WWC1: variants seen among roughly 807,000 people sequenced by gnomAD.
WWC1 encodes protein KIBRA.
WWC1 carries 55 observed loss-of-function variants against 138.4 expected under a neutral mutation model. The ratio of observed to expected loss-of-function variants is 0.40; its 90% confidence interval spans 0.32 to 0.50. The LOEUF is 0.50. Ranked by LOEUF, WWC1 falls within the 20% of genes least tolerant of loss-of-function variation. The probability of loss-of-function intolerance (pLI) is 0.72; values close to 1 mark genes in which losing one functional copy is unlikely to be tolerated. For missense variants in WWC1, 1,226 were observed against 1,420.4 expected, an observed-to-expected ratio of 0.86 and a Z score of 2.20; for synonymous variants, 524 against 564.9, an observed-to-expected ratio of 0.93 and a Z score of 1.03.
intron 6 of WWC1, among the ~76,000 whole-genome samples, chr5:168,408,009 T>C (rs1323145728): frequency 6.8e-6 from 1 of 147,848 alleles, no homozygotes; most frequent in Non-Finnish European, 1.5e-5. Flanking sequence ...ACTACAGACA[T>C]GCACCGCCAC....
chr5:168,373,343 G>A (rs1776898071), intron 2 of WWC1, among the ~76,000 whole-genome samples: 2 of 152,058 alleles, frequency 1.3e-5, no homozygotes, highest in African/African-American at 4.8e-5. Context: ...GCAGAAATGG[G>A]GTGTATGGGG....
chr5:168,385,292 A>G lies in WWC1; in HGVS notation c.311A>G (p.Gln104Arg), dbSNP rs775264335. The G allele has an allele frequency of 2.5e-6, 4 of 1,614,074 alleles. No individual in the cohort carries two copies. Among genetic ancestry groups the G allele is most frequent in the Admixed American group, 1.7e-5 (1 of 60,004 alleles). The change falls in exon 3 of 23, where the codon CAG becomes CGG. Residue 104 changes from glutamine (Q) to arginine (R), a missense_variant. Physicochemically the swap from Gln to Arg is conservative, Grantham distance 43. Transcript: ENST00000265293. ...HMLKDYLVVAQEALSAQKEIY... is the reference protein window; with the variant it reads ...HMLKDYLVVAREALSAQKEIY... ...CTGAAGGATTACCTGGTGGTGGCCCAGGAGGCTCTGAGTGCACAAAAGGAG... is the reference window on the plus strand; with the variant it reads ...CTGAAGGATTACCTGGTGGTGGCCCGGGAGGCTCTGAGTGCACAAAAGGAG...
chr5:168,410,071 A>T, intron 8 of WWC1, 76 bp downstream of exon 8: 1 of 1,373,546 alleles, frequency 7.3e-7, no homozygotes, highest in Admixed American at 1.7e-5. Context: ...CTCTGTGCTT[A>T]GCTTTTCACA....
intron 11 of WWC1, 60 bp downstream of exon 11, chr5:168,424,128 TC>T: frequency 6.6e-7 from 1 of 1,521,388 alleles, no homozygotes; most frequent in South Asian, 1.3e-5. Context: ...TACTCTGTGC[TC>T]AGAACCCCCC....
In WWC1 at chr5:168,385,297, G is replaced by T. The variant is rs1402973379; in HGVS notation, c.316G>T (p.Ala106Ser). Residue 106 changes from alanine (A) to serine (S), a missense_variant, in exon 3 of 23, where the codon GCT (alanine) becomes TCT (serine). By Grantham distance (99) the Ala-to-Ser change is moderately conservative (BLOSUM62 1). This residue lies in a region of WWC1 where 1,016 missense variants were observed against 1,153.9 expected (regional missense o/e 0.88). Coordinates refer to ENST00000265293, the MANE Select transcript of WWC1 (RefSeq NM_015238.3). ...GGATTACCTGGTGGTGGCCCAGGAGGCTCTGAGTGCACAAAAGGAGATCTA... is the reference window on the plus strand; with the variant it reads ...GGATTACCTGGTGGTGGCCCAGGAGTCTCTGAGTGCACAAAAGGAGATCTA... ...LKDYLVVAQE[A>S]LSAQKEIYQV... 3.1e-6 allele frequency: 5 copies of T among 1,614,036 alleles called. No individual in the cohort carries two copies. Among genetic ancestry groups the T allele is most frequent in the Non-Finnish European group, 4.2e-6 (5 of 1,180,000 alleles).
intron 2 of WWC1, among the ~76,000 whole-genome samples, chr5:168,376,337 A>G (rs1777165038): frequency 6.6e-6 from 1 of 152,238 alleles, no homozygotes; most frequent in South Asian, 2.1e-4. Flanking sequence ...TACAGGCGTG[A>G]GCTGCTGTGC....
chr5:168,412,212 C>A, intron 8 of WWC1: 1 of 984,846 alleles, frequency 1.0e-6, no homozygotes, highest in African/African-American at 1.7e-5. Context: ...CTTCCTAGCT[C>A]ATCTGACTTT....
chr5:168,375,129 G>A (rs148001624), intron 2 of WWC1, among the ~76,000 whole-genome samples: 28 of 152,174 alleles, frequency 1.8e-4, no homozygotes, highest in Non-Finnish European at 2.5e-4. Context: ...AGAGAGGTCT[G>A]GGCTGAAGAT....
intron 1 of WWC1, among the ~76,000 whole-genome samples, chr5:168,310,347 T>C (rs1291215490): frequency 1.3e-5 from 2 of 151,630 alleles, no homozygotes; most frequent in Non-Finnish European, 2.9e-5. Context: ...CTCTTATTCT[T>C]TCTCTCTGAA....
intron 1 of WWC1, among the ~76,000 whole-genome samples, chr5:168,304,048 A>T (rs1005381056): frequency 2.0e-5 from 3 of 152,230 alleles, no homozygotes; most frequent in African/African-American, 4.8e-5. Flanking sequence ...TTCACCGGCA[A>T]AATGAGAATA....
chr5:168,358,151 G>T (rs896922985), intron 1 of WWC1, among the ~76,000 whole-genome samples: 4 of 152,240 alleles, frequency 2.6e-5, no homozygotes, highest in African/African-American at 7.2e-5. Context: ...GTCTATCTGG[G>T]TGGGTGACCT....
intron 18 of WWC1, among the ~76,000 whole-genome samples, chr5:168,454,514 A>T (rs1756123861): frequency 6.6e-6 from 1 of 152,234 alleles, no homozygotes; most frequent in Non-Finnish European, 1.5e-5. Context: ...GGGTCTGCCC[A>T]CAGCGCGACA....
At position 168,454,110 on chromosome 5, in the gene WWC1, G is replaced by T. The variant is rs764647229; in HGVS notation, c.2658+10G>T. ...GTACCCAGCATTAAAGGTAGGAAGG[G>T]CTGGGGGGATAGAAGGGCTGTCGTG... On this transcript the variant is annotated intron_variant, in intron 18 of 22. Coordinates refer to ENST00000265293, the MANE Select transcript of WWC1 (RefSeq NM_015238.3). 2 of 1,610,042 alleles carry T rather than the reference G, an allele frequency of 1.2e-6. No individual in the cohort carries two copies. Among genetic ancestry groups the T allele is most frequent in the South Asian group, 2.2e-5 (2 of 90,768 alleles).
At chr5:168,426,977 G>A (rs1179015744) in intron 11 of WWC1, among the ~76,000 whole-genome samples, 2 of 152,230 alleles carry the variant, frequency 1.3e-5, no homozygotes, top group Non-Finnish European at 2.9e-5. Flanking sequence ...TGTGCAGCAC[G>A]TGTTGAGTGC....
chr5:168,306,405 AAAT>A (rs1770570909), intron 1 of WWC1, among the ~76,000 whole-genome samples: 1 of 152,190 alleles, frequency 6.6e-6, no homozygotes, highest in Non-Finnish European at 1.5e-5. Flanking sequence ...TAAAAAATAA[AAAT>A]AAATATTTGG....
At chr5:168,378,458 A>C (rs964686464) in intron 2 of WWC1, among the ~76,000 whole-genome samples, 1 of 152,172 alleles carries the variant, frequency 6.6e-6, no homozygotes, top group Non-Finnish European at 1.5e-5. Context: ...AAAACACATA[A>C]TGGAAGTACC....
Position 168,441,167 on chromosome 5 carries a change from A to G in WWC1, c.2281-515A>G, listed in dbSNP as rs142844461. Among the ~76,000 whole-genome samples, 9 of 152,334 alleles carry G rather than the reference A, an allele frequency of 5.9e-5. No homozygotes were observed. In the East Asian group the frequency reaches 1.7e-3, roughly 29 times the overall value. Reference sequence around the variant, plus strand: ...TGTTAAGTTCAATAAGCCAGTCACAAAAAGACAAATGCTATATGATTCCAA... The same window carrying G: ...TGTTAAGTTCAATAAGCCAGTCACAGAAAGACAAATGCTATATGATTCCAA... On this transcript the variant is annotated intron_variant, in intron 15 of 22. Transcript: ENST00000265293.
At chr5:168,336,571 C>CAAAAAAAAAA in intron 1 of WWC1, among the ~76,000 whole-genome samples, 1 of 58,020 alleles carries the variant, frequency 1.7e-5, no homozygotes, top group Admixed American at 2.1e-4. Context: ...GACTCTGTCT[C>CAAAAAAAAAA]AAAAAAAAAA....
chr5:168,390,253 T>C (rs1233814535), intron 3 of WWC1, among the ~76,000 whole-genome samples: 1 of 152,252 alleles, frequency 6.6e-6, no homozygotes, highest in Non-Finnish European at 1.5e-5. Context: ...TTTCATATTC[T>C]TAAGCTCTCA....
Sources: gnomAD v4.1 joint callset for allele counts (sites outside exome capture counted in the v4.1 genomes callset) on GRCh38, gnomAD v4.1.1 for gene constraint, gnomAD v4.1.1 regional missense constraint, MANE v1.5 for transcripts, NCBI Gene and HGNC (gene_info 2026-07-23, HGNC 2026-07-21) for gene names.